PARP16: variants seen among roughly 807,000 people sequenced by gnomAD.
The protein encoded by PARP16 is poly(ADP-ribose) polymerase family member 16.
Under a neutral mutation model 35.0 loss-of-function variants are expected in PARP16, and 31 were observed. That is an observed-to-expected ratio of 0.88 (90% CI 0.66 to 1.19). PARP16 has a LOEUF of 1.19. Among genes scored for constraint, PARP16 ranks in the 50% most tolerant of loss-of-function variants. PARP16 has a pLI of 0.00. For missense variants in PARP16, 424 were observed against 411.2 expected, an observed-to-expected ratio of 1.03 and a Z score of -0.27; for synonymous variants, 162 against 169.5, an observed-to-expected ratio of 0.96 and a Z score of 0.34.
At chr15:65,262,403 A>G (rs2089759302) in intron 4 of PARP16, among the ~76,000 whole-genome samples, 1 of 152,190 alleles carries the variant, frequency 6.6e-6, no homozygotes. Context: ...AAGTGCTGGG[A>G]TTACAGGCGT....
intron 3 of PARP16, among the ~76,000 whole-genome samples, chr15:65,247,832 T>C (rs908026120): frequency 8.0e-6 from 1 of 124,408 alleles, no homozygotes; most frequent in African/African-American, 3.2e-5. Flanking sequence ...TGAGACGGAG[T>C]CTTGCTTTGT....
intron 1 of PARP16, among the ~76,000 whole-genome samples, chr15:65,279,611 G>T (rs1460682982): frequency 6.6e-6 from 1 of 152,128 alleles, no homozygotes; most frequent in Non-Finnish European, 1.5e-5. Context: ...GAGAGGAGCA[G>T]AGAAATAAAA....
intron 3 of PARP16, among the ~76,000 whole-genome samples, chr15:65,243,312 C>T (rs762610804): frequency 1.6e-4 from 25 of 152,156 alleles, no homozygotes; most frequent in Non-Finnish European, 2.6e-4. Context: ...AGTGCAGTGG[C>T]GCAATCTCAG....
rs1311358824 is a variant in PARP16 at position 65,286,715 on chromosome 15, G to A, written c.-289C>T. On this transcript the variant is annotated 5_prime_UTR_variant, in exon 1 of 6. Transcript: ENST00000649807. ...ATAAAGGAACTGGGGCTGGTGGGGG[G>A]GAGGGGTTCCCGGCCTAGGGGAAGG... The A allele has an allele frequency of 8.1e-6, 3 of 372,496 alleles. No individual in the cohort carries two copies. The highest frequency in any genetic ancestry group is 4.2e-5 in the African/African-American group (2 of 47,270). 23.1% of individuals were successfully genotyped at this position (372,496 alleles called of 1,614,324 possible). A position where few individuals can be genotyped will look rare whatever the true frequency, so the allele number is the denominator to read the frequency against.
intron 3 of PARP16, chr15:65,234,905 C>T (rs2088836059): frequency 1.3e-5 from 2 of 152,246 alleles, no homozygotes; most frequent in Admixed American, 6.5e-5. Flanking sequence ...AATCCCAGCA[C>T]TTTGGGAGGC....
At chr15:65,250,107 CTTTTTTTTTTT>C (rs71136331) in intron 2 of PARP16, among the ~76,000 whole-genome samples, 115 of 87,132 alleles carry the variant, frequency 1.3e-3, no homozygotes, top group South Asian at 4.9e-3. Context: ...ACCTGCTTGC[CTTTTTTTTTTT>C]TTTTTTTTTT....
intron 2 of PARP16, among the ~76,000 whole-genome samples, chr15:65,250,057 G>T (rs1376248618): frequency 2.0e-5 from 3 of 147,804 alleles, no homozygotes; most frequent in Non-Finnish European, 4.4e-5. Context: ...ACCAGCCTAG[G>T]TCTTCTTTGC....
At chr15:65,257,112 G>A (rs538986233), downstream of PARP16, among the ~76,000 whole-genome samples, 2 of 152,102 alleles carry the variant, frequency 1.3e-5, no homozygotes, top group African/African-American at 4.8e-5. Flanking sequence ...GCAAAACCCT[G>A]TCTCTACTAA....
intron 3 of PARP16, among the ~76,000 whole-genome samples, chr15:65,243,479 G>A (rs112643203): frequency 0.043 from 6,504 of 152,168 alleles, 317 homozygotes; most frequent in African/African-American, 0.12. Flanking sequence ...TTGAAATCCT[G>A]AGCTCAAGTG....
Position 65,260,998 on chromosome 15 carries a change from C to T in PARP16, c.720G>A (p.Ala240=), listed in dbSNP as rs755196450. ...CTCCCCCTTCACTATGTTTGATTCTCGCTCGTCTGCGATCTATCTCCTTGG... is the reference window on the plus strand; with the variant it reads ...CTCCCCCTTCACTATGTTTGATTCTTGCTCGTCTGCGATCTATCTCCTTGG... ...KDSKEIDRRR[A]RIKHSEGGDI... is the part of the protein sequence containing the mutation. The change falls in exon 5 of 6, where the codon GCG becomes GCA. Residue 240 remains alanine (A), a synonymous_variant. Transcript: ENST00000649807. 8 of 1,613,752 alleles carry T rather than the reference C, an allele frequency of 5.0e-6. No individual in the cohort carries two copies. Among genetic ancestry groups the T allele is most frequent in the South Asian group, 1.1e-5 (1 of 91,048 alleles).
chr15:65,266,574 G>A lies in PARP16; in HGVS notation c.507C>T (p.Cys169=), dbSNP rs772731361. ...FHSIIHNGLH[C]HLNKTSLFGE... ...CCTTAGGCCCCACCTTGTTCAGATGGCAGTGCAGGCCATTGTGGATAATGG... is the reference window on the plus strand; with the variant it reads ...CCTTAGGCCCCACCTTGTTCAGATGACAGTGCAGGCCATTGTGGATAATGG... The change falls in exon 3 of 6, where the codon TGC becomes TGT. Residue 169 remains cysteine (C), a synonymous_variant. Coordinates refer to ENST00000649807, the MANE Select transcript of PARP16 (RefSeq NM_001316943.2). The A allele has an allele frequency of 2.5e-6, 4 of 1,613,512 alleles. No homozygotes were observed. The South Asian group carries it at 4.4e-5, about 18-fold the overall frequency.
intron 2 of PARP16, among the ~76,000 whole-genome samples, chr15:65,252,996 G>A (rs1190462354): frequency 1.3e-5 from 2 of 152,022 alleles, no homozygotes; most frequent in African/African-American, 2.4e-5. Context: ...TGGACATGGT[G>A]GCACATGCCT....
intron 1 of PARP16, among the ~76,000 whole-genome samples, chr15:65,279,479 A>C (rs1007090902): frequency 3.3e-5 from 5 of 152,128 alleles, no homozygotes; most frequent in African/African-American, 4.8e-5. Context: ...CCATTAGCTG[A>C]TATCTTTCTA....
chr15:65,253,748 G>C (rs980672994), downstream of PARP16, among the ~76,000 whole-genome samples: 7 of 152,148 alleles, frequency 4.6e-5, no homozygotes, highest in African/African-American at 1.7e-4. Context: ...CCATATCTTA[G>C]ATACTTGGAT....
At chr15:65,280,911 G>C (rs1298534837) in intron 1 of PARP16, among the ~76,000 whole-genome samples, 1 of 152,218 alleles carries the variant, frequency 6.6e-6, no homozygotes, top group Non-Finnish European at 1.5e-5. Context: ...GTGCTTTTCA[G>C]ACTTCACTAT....
intron 2 of PARP16, among the ~76,000 whole-genome samples, chr15:65,248,836 C>A (rs2140765803): frequency 6.6e-6 from 1 of 152,320 alleles, no homozygotes; most frequent in South Asian, 2.1e-4. Flanking sequence ...GTTAGGGAAG[C>A]AGATGTTATA....
At chr15:65,269,101 T>C (rs1368023204) in intron 2 of PARP16, among the ~76,000 whole-genome samples, 1 of 151,978 alleles carries the variant, frequency 6.6e-6, no homozygotes, top group African/African-American at 2.4e-5. Flanking sequence ...CTCTCTATAG[T>C]GGTTACACCT....
At chr15:65,248,763 T>C (rs1178496076) in intron 2 of PARP16, among the ~76,000 whole-genome samples, 1 of 152,158 alleles carries the variant, frequency 6.6e-6, no homozygotes, top group African/African-American at 2.4e-5. Context: ...AGAATTCCTT[T>C]TGCAGACTGG....
downstream of PARP16, among the ~76,000 whole-genome samples, chr15:65,233,833 C>T (rs2088815421): frequency 6.6e-6 from 1 of 151,972 alleles, no homozygotes; most frequent in Non-Finnish European, 1.5e-5. Flanking sequence ...AAGTCAGTTT[C>T]GTTGCGCAAC....
Sources: gnomAD v4.1 joint callset for allele counts (sites outside exome capture counted in the v4.1 genomes callset) on GRCh38, gnomAD v4.1.1 for gene constraint, MANE v1.5 for transcripts, NCBI Gene and HGNC (gene_info 2026-07-23, HGNC 2026-07-21) for gene names.